Variants in KHDRBS2 observed in about 807,000 individuals in gnomAD.
KHDRBS2 encodes KH RNA binding domain containing, signal transduction associated 2, also known as KH domain-containing, RNA-binding, signal transduction-associated protein 2.
A neutral mutation model predicts 44.3 loss-of-function variants in KHDRBS2; 26 were observed. That is an observed-to-expected ratio of 0.59 (90% CI 0.43 to 0.81). The LOEUF (loss-of-function observed/expected upper bound fraction) is 0.81, where lower values mean the gene tolerates loss of function less well. KHDRBS2 is among the 40% of genes least tolerant of loss of function. The pLI is 0.00. For missense variants in KHDRBS2, 476 were observed against 433.1 expected, an observed-to-expected ratio of 1.10 and a Z score of -0.88; for synonymous variants, 194 against 151.1, an observed-to-expected ratio of 1.28 and a Z score of -2.08.
At chr6:62,182,162 A>T (rs1822446178) in intron 1 of KHDRBS2, among the ~76,000 whole-genome samples, 1 of 151,980 alleles carries the variant, frequency 6.6e-6, no homozygotes, top group African/African-American at 2.4e-5. Context: ...GTGAGAAATA[A>T]ATGTTTATTG....
intron 4 of KHDRBS2, among the ~76,000 whole-genome samples, chr6:61,945,113 GTATATATATATATATATA>G (rs61105265): frequency 1.3e-4 from 2 of 14,990 alleles, no homozygotes; most frequent in East Asian, 2.8e-3. Flanking sequence ...AAAAAAAAAA[GTATATATATATATATATA>G]TATATATATA....
intron 6 of KHDRBS2, among the ~76,000 whole-genome samples, chr6:61,770,893 C>T (rs968965397): frequency 2.6e-4 from 39 of 151,984 alleles, no homozygotes; most frequent in African/African-American, 5.8e-4. Context: ...GTCAGGTTCA[C>T]GAAAGTTGAA....
chr6:61,920,781 AC>A (rs1466581877), intron 4 of KHDRBS2, among the ~76,000 whole-genome samples: 3 of 151,908 alleles, frequency 2.0e-5, no homozygotes, highest in Non-Finnish European at 4.4e-5. Context: ...TTTTAGTATC[AC>A]TGGTATGAAA....
At chr6:62,194,243 T>G (rs1195326595) in intron 1 of KHDRBS2, among the ~76,000 whole-genome samples, 3 of 152,018 alleles carry the variant, frequency 2.0e-5, no homozygotes, top group Non-Finnish European at 4.4e-5. Context: ...AGCTAAATTT[T>G]TATAAACAGG....
At chr6:61,597,881 G>A in the KHDRBS2 span, among the ~76,000 whole-genome samples, 1 of 139,004 alleles carries the variant, frequency 7.2e-6, no homozygotes, top group Non-Finnish European at 1.6e-5. Context: ...TGGGGAAATA[G>A]GATCTAAAGG....
the KHDRBS2 span, among the ~76,000 whole-genome samples, chr6:61,623,243 T>C: frequency 3.3e-5 from 5 of 152,232 alleles, no homozygotes; most frequent in South Asian, 2.1e-4. Context: ...ATAAGAGATA[T>C]GGGTTCCAGG....
In KHDRBS2 at chr6:62,145,656, A is replaced by G. The variant is rs144920301; in HGVS notation, c.219+31529T>C. Among the ~76,000 whole-genome samples the G allele has an allele frequency of 2.5e-3, 380 of 151,998 alleles. 3 individuals are homozygous for G. Among genetic ancestry groups the G allele is most frequent in the African/African-American group, 8.4e-3 (347 of 41,536 alleles). Reference sequence around the variant, plus strand: ...AGTTTAATCATATTTTAACACATCAATGTTAACTGTATCATGTCTACTGTA... The same window carrying G: ...AGTTTAATCATATTTTAACACATCAGTGTTAACTGTATCATGTCTACTGTA... On this transcript the variant is annotated intron_variant, in intron 2 of 8. Coordinates refer to ENST00000281156, the MANE Select transcript of KHDRBS2 (RefSeq NM_152688.4).
chr6:61,951,495 A>T (rs1764731535), intron 4 of KHDRBS2, among the ~76,000 whole-genome samples: 1 of 152,032 alleles, frequency 6.6e-6, no homozygotes, highest in Admixed American at 6.6e-5. Context: ...TCATTATCAT[A>T]AACATTTCTT....
At chr6:61,988,705 T>A (rs1352003108) in intron 3 of KHDRBS2, among the ~76,000 whole-genome samples, 1 of 152,144 alleles carries the variant, frequency 6.6e-6, no homozygotes, top group Admixed American at 6.6e-5. Flanking sequence ...CCTTTGAGAT[T>A]GGGAAAAATC....
At chr6:61,571,629 G>A in the KHDRBS2 span, among the ~76,000 whole-genome samples, 10 of 152,102 alleles carry the variant, frequency 6.6e-5, no homozygotes, top group Middle Eastern at 3.4e-3. Context: ...CTTCAGTACA[G>A]GGAACATTCT....
chr6:62,132,587 G>C (rs1410703985), intron 2 of KHDRBS2, among the ~76,000 whole-genome samples: 2 of 152,084 alleles, frequency 1.3e-5, no homozygotes, highest in Non-Finnish European at 2.9e-5. Flanking sequence ...TGCGTATCTG[G>C]AACAAAACAA....
At chr6:61,590,294 A>G in the KHDRBS2 span, among the ~76,000 whole-genome samples, 1 of 152,190 alleles carries the variant, frequency 6.6e-6, no homozygotes, top group Non-Finnish European at 1.5e-5. Context: ...AGCTACAAAT[A>G]CTAAAAATTC....
At chr6:61,936,231 A>G (rs73489445) in intron 4 of KHDRBS2, among the ~76,000 whole-genome samples, 1,573 of 152,124 alleles carry the variant, frequency 0.01, 28 homozygotes, top group African/African-American at 0.036. Context: ...CACTAGATTG[A>G]TCACATTTTC....
intron 2 of KHDRBS2, among the ~76,000 whole-genome samples, chr6:62,059,206 T>TG (rs1791063323): frequency 4.6e-5 from 5 of 109,844 alleles, no homozygotes; most frequent in South Asian, 6.4e-4. Context: ...AAGTTTTTTT[T>TG]TTTTTTTTTT....
chr6:61,976,277 GA>G (rs1310606853), intron 4 of KHDRBS2, among the ~76,000 whole-genome samples: 1 of 152,130 alleles, frequency 6.6e-6, no homozygotes, highest in African/African-American at 2.4e-5. Flanking sequence ...CTAAGATGGG[GA>G]TACAGTGTTG....
chr6:62,083,754 A>G (rs936917649), intron 2 of KHDRBS2, among the ~76,000 whole-genome samples: 2 of 152,132 alleles, frequency 1.3e-5, no homozygotes, highest in African/African-American at 4.8e-5. Flanking sequence ...GGTCAAGGGA[A>G]CTATCCCGTT....
chr6:62,063,652 G>T (rs1183156187), intron 2 of KHDRBS2, among the ~76,000 whole-genome samples: 2 of 148,040 alleles, frequency 1.4e-5, no homozygotes, highest in South Asian at 2.2e-4. Flanking sequence ...AGCTATCTAT[G>T]ACAAACCCAC....
At chr6:61,889,790 T>A (rs867203124) in intron 6 of KHDRBS2, among the ~76,000 whole-genome samples, 51 of 152,328 alleles carry the variant, frequency 3.3e-4, no homozygotes, top group African/African-American at 1.2e-3. Context: ...GCCCCAATGT[T>A]ATTTGCTACC....
At chr6:61,804,359 A>C (rs551209501) in intron 6 of KHDRBS2, among the ~76,000 whole-genome samples, 95 of 152,240 alleles carry the variant, frequency 6.2e-4, no homozygotes, top group African/African-American at 2.2e-3. Flanking sequence ...TTTGCAGGGT[A>C]CAACCCCCCT....
Sources: gnomAD v4.1 joint callset for allele counts (sites outside exome capture counted in the v4.1 genomes callset) on GRCh38, gnomAD v4.1.1 for gene constraint, MANE v1.5 for transcripts, NCBI Gene and HGNC (gene_info 2026-07-23, HGNC 2026-07-21) for gene names.